NIPBL: variants seen among roughly 807,000 people sequenced by gnomAD.
The protein encoded by NIPBL is nipped-B-like protein.
In NIPBL, 19 loss-of-function variants were observed where a neutral mutation model predicts 321.8. That is an observed-to-expected ratio of 0.06 (90% CI 0.04 to 0.09). The LOEUF (loss-of-function observed/expected upper bound fraction) is 0.09, where lower values mean the gene tolerates loss of function less well. NIPBL is among the 10% of genes least tolerant of loss of function. The pLI is 1.00. For synonymous variants in NIPBL, 1,106 were observed against 1,114.1 expected (o/e 0.99, Z 0.14); for missense variants, 2,210 against 3,327.0 (o/e 0.66, Z 8.26).
At chr5:36,894,906 C>G (rs1746617912) in intron 1 of NIPBL, among the ~76,000 whole-genome samples, 1 of 152,146 alleles carries the variant, frequency 6.6e-6, no homozygotes, top group African/African-American at 2.4e-5. Flanking sequence ...GCCTGTGGTG[C>G]TTGGTGTCTT....
At chr5:37,056,337 G>A (rs1412391327) in intron 42 of NIPBL, among the ~76,000 whole-genome samples, 1 of 152,074 alleles carries the variant, frequency 6.6e-6, no homozygotes, top group Non-Finnish European at 1.5e-5. Flanking sequence ...GGCAGGGGAA[G>A]GTAGATGGTA....
At chr5:36,926,081 T>A (rs1207431062) in intron 1 of NIPBL, among the ~76,000 whole-genome samples, 1 of 152,220 alleles carries the variant, frequency 6.6e-6, no homozygotes, top group Non-Finnish European at 1.5e-5. Context: ...AATAAACATA[T>A]ATCCTGACTT....
At chr5:36,981,927 G>T (rs73750914) in intron 9 of NIPBL, among the ~76,000 whole-genome samples, 2,145 of 151,890 alleles carry the variant, frequency 0.014, 51 homozygotes, top group African/African-American at 0.049. Flanking sequence ...TTGAGGGGTG[G>T]TGTGTTTTCA....
intron 1 of NIPBL, among the ~76,000 whole-genome samples, chr5:36,944,907 C>G (rs1339761602): frequency 6.6e-6 from 1 of 152,128 alleles, no homozygotes; most frequent in Non-Finnish European, 1.5e-5. Context: ...ACGTTGAGAT[C>G]TAGATCTTAA....
chr5:36,899,753 A>G (rs1747060415), intron 1 of NIPBL, among the ~76,000 whole-genome samples: 1 of 152,220 alleles, frequency 6.6e-6, no homozygotes, highest in Admixed American at 6.5e-5. Flanking sequence ...ACACAGAGTT[A>G]AAAACCTGCT....
chr5:37,013,356 C>T (rs1010803128), intron 21 of NIPBL, among the ~76,000 whole-genome samples: 6 of 152,048 alleles, frequency 3.9e-5, no homozygotes, highest in South Asian at 2.1e-4. Flanking sequence ...CTGACCCCCC[C>T]ACCTCCCTTC....
chr5:37,064,082 A>G, intron 46 of NIPBL, 104 bp downstream of exon 46: 2 of 1,492,708 alleles, frequency 1.3e-6, no homozygotes, highest in Non-Finnish European at 1.8e-6. Flanking sequence ...GTAATGTAAT[A>G]CTTAAAAGAG....
At chr5:36,898,236 T>TTTA (rs1415274926) in intron 1 of NIPBL, among the ~76,000 whole-genome samples, 1 of 152,192 alleles carries the variant, frequency 6.6e-6, no homozygotes, top group East Asian at 1.9e-4. Context: ...GCTTGTTTAA[T>TTTA]AAGTTGTATC....
intron 9 of NIPBL, among the ~76,000 whole-genome samples, chr5:36,981,761 G>C (rs996356799): frequency 2.0e-5 from 3 of 151,562 alleles, no homozygotes; most frequent in Non-Finnish European, 3.0e-5. Flanking sequence ...GCAAGTATAA[G>C]GAATGGCTCA....
chr5:36,944,999 G>A (rs1425393120), intron 1 of NIPBL, among the ~76,000 whole-genome samples: 1 of 152,078 alleles, frequency 6.6e-6, no homozygotes, highest in Non-Finnish European at 1.5e-5. Flanking sequence ...AATTGTGTAT[G>A]AAACAGTCTT....
chr5:37,056,650 A>G (rs1401041830), intron 42 of NIPBL, among the ~76,000 whole-genome samples: 2 of 152,142 alleles, frequency 1.3e-5, no homozygotes, highest in African/African-American at 2.4e-5. Context: ...CTTTTAACCT[A>G]TGTATTAGTA....
chr5:36,983,936 A>G (rs1744433131), intron 9 of NIPBL, among the ~76,000 whole-genome samples: 1 of 151,992 alleles, frequency 6.6e-6, no homozygotes, highest in Non-Finnish European at 1.5e-5. Flanking sequence ...GAAGTTGCTT[A>G]AGACAGGATT....
At chr5:36,971,807 G>A in intron 7 of NIPBL, 138 bp from the exon 8 acceptor site, 1 of 1,467,502 alleles carries the variant, frequency 6.8e-7, no homozygotes, top group Non-Finnish European at 9.0e-7. Context: ...GAAGAAAACA[G>A]GAAAGTGCAG....
intron 18 of NIPBL, 118 bp downstream of exon 18, chr5:37,007,592 A>G: frequency 1.4e-6 from 1 of 690,644 alleles, no homozygotes; most frequent in Non-Finnish European, 2.4e-6. Flanking sequence ...TCCTGTTAAG[A>G]GTATGTTATA....
intron 16 of NIPBL, among the ~76,000 whole-genome samples, chr5:37,004,058 T>C (rs570701643): frequency 6.7e-4 from 102 of 152,314 alleles, no homozygotes; most frequent in Middle Eastern, 3.4e-3. Context: ...TTACTCCTTA[T>C]ATACCGTTTT....
At chr5:36,950,216 A>T (rs13190327) in intron 1 of NIPBL, among the ~76,000 whole-genome samples, 2 of 152,002 alleles carry the variant, frequency 1.3e-5, no homozygotes, top group African/African-American at 2.4e-5. Context: ...TTTATAATAG[A>T]TCTTTTAGAA....
chr5:37,048,697 AAT>A, intron 39 of NIPBL, 22 bp downstream of exon 39: 1 of 1,535,110 alleles, frequency 6.5e-7, no homozygotes, highest in African/African-American at 1.4e-5. Context: ...TATATTTTTA[AAT>A]TTCATAGCTA....
intron 29 of NIPBL, among the ~76,000 whole-genome samples, chr5:37,023,376 A>C (rs954962597): frequency 1.3e-5 from 2 of 152,216 alleles, no homozygotes; most frequent in Non-Finnish European, 2.9e-5. Flanking sequence ...TGCACACTTC[A>C]TGTATGATGC....
chr5:36,999,350 A>G (rs1159737456), intron 11 of NIPBL, among the ~76,000 whole-genome samples: 1 of 152,246 alleles, frequency 6.6e-6, no homozygotes, highest in Non-Finnish European at 1.5e-5. Flanking sequence ...TGATCACAAC[A>G]ACAACCAGTA....
Sources: gnomAD v4.1 joint callset for allele counts (sites outside exome capture counted in the v4.1 genomes callset) on GRCh38, gnomAD v4.1.1 for gene constraint, MANE v1.5 for transcripts, NCBI Gene and HGNC (gene_info 2026-07-23, HGNC 2026-07-21) for gene names.